Variants in GHR observed in about 807,000 individuals in gnomAD.
GHR encodes the protein GH receptor.
GHR carries 35 observed loss-of-function variants against 67.1 expected under a neutral mutation model. The ratio of observed to expected loss-of-function variants is 0.52; its 90% confidence interval spans 0.40 to 0.69. GHR has a LOEUF of 0.69. Ranked by LOEUF, GHR falls within the 30% of genes least tolerant of loss-of-function variation. The pLI, the probability that GHR is intolerant of heterozygous loss-of-function variation, is 0.00. For missense variants in GHR, 792 were observed against 764.6 expected (o/e 1.04, Z -0.42); for synonymous variants, 272 against 269.1 (o/e 1.01, Z -0.10).
chr5:42,617,385 TACACACAC>T lies in GHR; in HGVS notation c.71-11619_71-11612del, dbSNP rs10581858. Among the ~76,000 whole-genome samples, 1,195 of 148,944 alleles carry T rather than the reference TACACACAC, an allele frequency of 8.0e-3. 9 individuals are homozygous for T. The highest frequency in any genetic ancestry group is 0.023 in the African/African-American group (938 of 40,368). ...CTAGCTGCTGCTAGGAAGTTCATTT[TACACACAC>T]ACACACACACACACACACACACACA... is the stretch of plus-strand genomic sequence containing the variant. On this transcript the variant is annotated intron_variant, in intron 2 of 9. Transcript: ENST00000230882.
intron 1 of GHR, among the ~76,000 whole-genome samples, chr5:42,473,877 A>C (rs1456468672): frequency 6.7e-6 from 1 of 150,056 alleles, no homozygotes; most frequent in African/African-American, 2.5e-5. Flanking sequence ...TTGTCTCAAA[A>C]AAAAAAAAAA....
chr5:42,468,618 A>T, intron 1 of GHR: 1 of 1,047,034 alleles, frequency 9.6e-7, no homozygotes, highest in Non-Finnish European at 1.4e-6. Flanking sequence ...CCAACGCTGG[A>T]GGGCAGCGGG....
At chr5:42,508,384 T>C (rs1746866872) in intron 1 of GHR, among the ~76,000 whole-genome samples, 1 of 152,150 alleles carries the variant, frequency 6.6e-6, no homozygotes, top group Non-Finnish European at 1.5e-5. Flanking sequence ...TAAAAATGAC[T>C]TGTGATATTT....
In GHR at chr5:42,423,517, C is replaced by A. The variant is rs1315343847; in HGVS notation, c.-450C>A. Reference sequence around the variant, plus strand: ...AGCAACTCGGAATGCTTGGCCCGGGCGGCACTCGGCCTCTCCGCAGCAGTT... The same window carrying A: ...AGCAACTCGGAATGCTTGGCCCGGGAGGCACTCGGCCTCTCCGCAGCAGTT... On this transcript the variant is annotated 5_prime_UTR_variant, in exon 1 of 10. Transcript: ENST00000230882. Among the ~76,000 whole-genome samples the A allele has an allele frequency of 2.0e-5, 3 of 152,186 alleles. No homozygotes were observed. Among genetic ancestry groups the A allele is most frequent in the Non-Finnish European group, 1.5e-5 (1 of 68,034 alleles).
chr5:42,450,684 T>G (rs1744011047), intron 1 of GHR, among the ~76,000 whole-genome samples: 1 of 152,104 alleles, frequency 6.6e-6, no homozygotes, highest in Admixed American at 6.6e-5. Context: ...TTTGGGTTTG[T>G]TTTTTTCTTG....
At chr5:42,578,555 C>T (rs1449766406) in intron 2 of GHR, among the ~76,000 whole-genome samples, 3 of 152,026 alleles carry the variant, frequency 2.0e-5, no homozygotes, top group Non-Finnish European at 4.4e-5. Flanking sequence ...GTTATGGGAA[C>T]CCCAAGAAAG....
In GHR at chr5:42,720,993, A is replaced by T. The variant is rs1758994657; in HGVS notation, c.*1569A>T. The T allele has an allele frequency of 6.6e-6, 1 of 152,074 alleles. No homozygotes were observed. Among genetic ancestry groups the T allele is most frequent in the Non-Finnish European group, 1.5e-5 (1 of 68,116 alleles). The allele number at this position is 152,074 out of a possible 1,614,324, so 9.4% of individuals were successfully genotyped here. On this transcript the variant is annotated 3_prime_UTR_variant, in exon 10 of 10. Coordinates refer to ENST00000230882, the MANE Select transcript of GHR (RefSeq NM_000163.5). ...GCTAGAGTGCGGTGGCGCGATCTTG[A>T]CTCACTGCAATCTCCACCTCCCACA... is the stretch of plus-strand genomic sequence containing the variant.
intron 1 of GHR, among the ~76,000 whole-genome samples, chr5:42,502,821 A>G (rs1217829213): frequency 6.8e-6 from 1 of 148,070 alleles, no homozygotes; most frequent in Non-Finnish European, 1.5e-5. Flanking sequence ...TAATTTATTA[A>G]TTATAATTAT....
chr5:42,612,961 G>T (rs1466916607), intron 2 of GHR, among the ~76,000 whole-genome samples: 1 of 152,044 alleles, frequency 6.6e-6, no homozygotes, highest in Non-Finnish European at 1.5e-5. Context: ...TAGAACTCCT[G>T]CATATCCAGC....
chr5:42,706,635 T>C (rs1450032869), intron 6 of GHR, among the ~76,000 whole-genome samples: 3 of 152,042 alleles, frequency 2.0e-5, no homozygotes, highest in Non-Finnish European at 2.9e-5. Flanking sequence ...GCACCATTTA[T>C]TAAACAGTGT....
chr5:42,694,982 G>A lies in GHR; in HGVS notation c.332G>A (p.Ser111Asn). The A allele has an allele frequency of 6.2e-7, 1 of 1,611,238 alleles. No individual in the cohort carries two copies. The highest frequency in any genetic ancestry group is 8.5e-7 in the Non-Finnish European group (1 of 1,177,660). ...CPDYVSAGEN[S>N]CYFNSSFTSI... ...GATTATGTTTCTGCTGGGGAAAACA[G>A]CTGTTACTTTAATTCATCGTTTACC... The change falls in exon 5 of 10, where the codon AGC (serine) becomes AAC (asparagine). Residue 111 changes from serine (S) to asparagine (N), a missense_variant. Transcript: ENST00000230882.
At chr5:42,577,864 G>C (rs770614023) in intron 2 of GHR, among the ~76,000 whole-genome samples, 4 of 152,152 alleles carry the variant, frequency 2.6e-5, no homozygotes, top group Admixed American at 6.6e-5. Flanking sequence ...CTGTTCCTCT[G>C]TTTGTGGTTA....
chr5:42,474,429 T>C (rs1745202681), intron 1 of GHR, among the ~76,000 whole-genome samples: 1 of 152,184 alleles, frequency 6.6e-6, no homozygotes, highest in Non-Finnish European at 1.5e-5. Flanking sequence ...TGGTTTAGGA[T>C]GGCAGTGTGC....
intron 1 of GHR, among the ~76,000 whole-genome samples, chr5:42,478,523 A>G (rs1238555865): frequency 6.6e-6 from 1 of 152,106 alleles, no homozygotes; most frequent in Admixed American, 6.5e-5. Context: ...TGAGCATGGA[A>G]TGTTCTTCCA....
chr5:42,445,144 T>C (rs1183254930), intron 1 of GHR, among the ~76,000 whole-genome samples: 3 of 152,254 alleles, frequency 2.0e-5, no homozygotes, highest in Non-Finnish European at 4.4e-5. Flanking sequence ...GTGTGTTCTC[T>C]ATAGTACCTA....
chr5:42,475,795 T>C (rs1307765990), intron 1 of GHR, among the ~76,000 whole-genome samples: 4 of 152,174 alleles, frequency 2.6e-5, no homozygotes, highest in Non-Finnish European at 4.4e-5. Flanking sequence ...CCAACAGCAT[T>C]TGACAGTGGG....
intron 1 of GHR, among the ~76,000 whole-genome samples, chr5:42,449,356 G>A (rs987259235): frequency 1.4e-4 from 21 of 152,080 alleles, no homozygotes; most frequent in African/African-American, 1.7e-4. Flanking sequence ...CAACTCCTTC[G>A]TTAAGTATAT....
intron 1 of GHR, among the ~76,000 whole-genome samples, chr5:42,534,828 T>C (rs552170653): frequency 1.3e-5 from 2 of 152,198 alleles, no homozygotes; most frequent in African/African-American, 2.4e-5. Context: ...ATCTACTGTT[T>C]TATTATTATT....
chr5:42,476,454 C>T (rs1022196509), intron 1 of GHR, among the ~76,000 whole-genome samples: 4 of 152,034 alleles, frequency 2.6e-5, no homozygotes, highest in Admixed American at 6.5e-5. Flanking sequence ...CTCCTGACCT[C>T]GTGATGTGCC....
Sources: gnomAD v4.1 joint callset for allele counts (sites outside exome capture counted in the v4.1 genomes callset) on GRCh38, gnomAD v4.1.1 for gene constraint, MANE v1.5 for transcripts, NCBI Gene and HGNC (gene_info 2026-07-23, HGNC 2026-07-21) for gene names.